GRM7: variants seen among roughly 807,000 people sequenced by gnomAD.
GRM7 encodes the protein glutamate metabotropic receptor 7.
Under a neutral mutation model 84.5 loss-of-function variants are expected in GRM7, and 35 were observed. The observed-to-expected ratio is 0.41, with a 90% CI of 0.32 to 0.55. GRM7 has a LOEUF of 0.55. Among genes scored for constraint, GRM7 ranks in the 20% least tolerant of loss-of-function variants. The pLI is 0.19. For missense variants in GRM7, 1,003 were observed against 1,194.6 expected (o/e 0.84, Z 2.36); for synonymous variants, 487 against 455.1 (o/e 1.07, Z -0.89).
At chr3:7,391,740 G>A (rs2125143150) in intron 4 of GRM7, among the ~76,000 whole-genome samples, 1 of 147,850 alleles carries the variant, frequency 6.8e-6, no homozygotes, top group Middle Eastern at 3.5e-3. Context: ...AATGAGCTAA[G>A]AAGGGAATGA....
chr3:7,106,860 C>T (rs1692668373), intron 1 of GRM7, among the ~76,000 whole-genome samples: 1 of 151,956 alleles, frequency 6.6e-6, no homozygotes, highest in South Asian at 2.1e-4. Flanking sequence ...GAAGCCCTGC[C>T]CAGTTTTGCC....
chr3:7,181,206 A>G (rs550365139), intron 2 of GRM7, among the ~76,000 whole-genome samples: 7 of 152,266 alleles, frequency 4.6e-5, no homozygotes, highest in South Asian at 2.1e-4. Flanking sequence ...TCCATACCCA[A>G]TGGCCTTCAT....
intron 1 of GRM7, among the ~76,000 whole-genome samples, chr3:7,073,305 T>C (rs935349747): frequency 3.9e-5 from 6 of 152,094 alleles, no homozygotes; most frequent in Admixed American, 2.0e-4. Context: ...CCACACCTGT[T>C]GCCTTGTTAA....
At chr3:7,295,443 CTT>C (rs1167470599) in intron 2 of GRM7, among the ~76,000 whole-genome samples, 1 of 152,068 alleles carries the variant, frequency 6.6e-6, no homozygotes, top group African/African-American at 2.4e-5. Context: ...AATTTTCTTA[CTT>C]TTCAGAATTG....
chr3:7,673,330 T>G (rs1438906921), intron 8 of GRM7, among the ~76,000 whole-genome samples: 2 of 152,236 alleles, frequency 1.3e-5, no homozygotes, highest in African/African-American at 4.8e-5. Flanking sequence ...ACTTTCTGAT[T>G]CACCAGAATT....
At chr3:7,450,751 A>G (rs150186765) in intron 5 of GRM7, among the ~76,000 whole-genome samples, 249 of 152,022 alleles carry the variant, frequency 1.6e-3, no homozygotes, top group African/African-American at 5.6e-3. Context: ...ACACTGAAAA[A>G]CCCTAGATCC....
intron 2 of GRM7, among the ~76,000 whole-genome samples, chr3:7,240,983 T>C (rs912493012): frequency 1.3e-5 from 2 of 152,206 alleles, no homozygotes; most frequent in African/African-American, 4.8e-5. Context: ...ATGTAGCCTA[T>C]GTATGTAATA....
intron 2 of GRM7, among the ~76,000 whole-genome samples, chr3:7,292,611 G>T (rs952532731): frequency 2.6e-5 from 4 of 151,952 alleles, no homozygotes; most frequent in African/African-American, 9.7e-5. Flanking sequence ...CAACTATGAT[G>T]AATATTATCT....
In GRM7 at chr3:7,552,267, C is replaced by T. The variant is rs141155517; in HGVS notation, c.1516-26155C>T. ...GTTCTCACAGTCTTGGGCAGCTCCA[C>T]CCCTGTAGCTTTGTAGGGTACAGCC... On this transcript the variant is annotated intron_variant, in intron 7 of 9. Coordinates refer to ENST00000357716, the MANE Select transcript of GRM7 (RefSeq NM_000844.4). Among the ~76,000 whole-genome samples, 226 of 152,346 alleles carry T rather than the reference C, an allele frequency of 1.5e-3. 1 individual carries two copies. The highest frequency in any genetic ancestry group is 5.1e-3 in the African/African-American group (214 of 41,580).
At chr3:6,936,282 A>C (rs1043649956) in intron 1 of GRM7, among the ~76,000 whole-genome samples, 2 of 152,184 alleles carry the variant, frequency 1.3e-5, no homozygotes, top group African/African-American at 4.8e-5. Context: ...TCTGTAATAG[A>C]GTGTCTTTGG....
At position 7,486,602 on chromosome 3, in the gene GRM7, G is replaced by T. The variant is rs1423116284; in HGVS notation, c.1515+24880G>T. Among the ~76,000 whole-genome samples the T allele has an allele frequency of 6.6e-6, 1 of 152,172 alleles. No homozygotes were observed. The highest frequency in any genetic ancestry group is 1.5e-5 in the Non-Finnish European group (1 of 68,038). On this transcript the variant is annotated intron_variant, in intron 7 of 9. Transcript: ENST00000357716. This position sits in a 1 kb window ranked among gnomAD's most constrained non-coding sequence, Gnocchi z 5.5. ...AAGTTTGTTCTCTCTGCACACACCT[G>T]CTTCTTTCACTTCTCTGCCATGTTG...
intron 4 of GRM7, among the ~76,000 whole-genome samples, chr3:7,368,665 T>G (rs1201776303): frequency 6.6e-6 from 1 of 152,098 alleles, no homozygotes. Flanking sequence ...TCAATTTACT[T>G]AAAATTATCT....
intron 1 of GRM7, among the ~76,000 whole-genome samples, chr3:6,906,701 A>G (rs1423388168): frequency 6.6e-6 from 1 of 152,140 alleles, no homozygotes; most frequent in Non-Finnish European, 1.5e-5. Flanking sequence ...AAGCATTTTC[A>G]AGGAGTATAA....
chr3:6,928,117 TGAGGTAG>T lies in GRM7; in HGVS notation c.519+66212_519+66218del, dbSNP rs1478597431. 1.3e-5 allele frequency among the ~76,000 whole-genome samples: 2 copies of T among 152,006 alleles called. No homozygotes were observed. The highest frequency in any genetic ancestry group is 4.8e-5 in the African/African-American group (2 of 41,396). The stretch of plus-strand genomic sequence containing the variant: ...CTCCTTTTTTTTTTTTCTACACTGC[TGAGGTAG>T]GTATTTTAACACATCCCTCATTGAT... On this transcript the variant is annotated intron_variant, in intron 1 of 9. Transcript: ENST00000357716. This position sits in a 1 kb window ranked among gnomAD's most constrained non-coding sequence, Gnocchi z 4.5.
At chr3:7,458,742 T>A (rs904478230) in intron 6 of GRM7, among the ~76,000 whole-genome samples, 1 of 152,138 alleles carries the variant, frequency 6.6e-6, no homozygotes, top group African/African-American at 2.4e-5. Context: ...TCTTCCTTTC[T>A]CCTCTCAAAG....
chr3:7,517,102 C>T (rs1700419065), intron 7 of GRM7, among the ~76,000 whole-genome samples: 2 of 152,022 alleles, frequency 1.3e-5, no homozygotes, highest in South Asian at 2.1e-4. Context: ...ATCATGTTCA[C>T]GAGGTAATAA....
At chr3:7,478,579 A>G (rs1331804476) in intron 7 of GRM7, among the ~76,000 whole-genome samples, 1 of 152,184 alleles carries the variant, frequency 6.6e-6, no homozygotes, top group Non-Finnish European at 1.5e-5. Flanking sequence ...ATCAATGAGT[A>G]TGGTCAACAG....
chr3:7,450,511 T>C (rs1393522946), intron 5 of GRM7, among the ~76,000 whole-genome samples: 1 of 152,170 alleles, frequency 6.6e-6, no homozygotes, highest in African/African-American at 2.4e-5. Flanking sequence ...CTTTTTAGAC[T>C]GTTAGACATG....
chr3:7,314,456 T>C (rs1700511800), intron 4 of GRM7, among the ~76,000 whole-genome samples: 2 of 152,206 alleles, frequency 1.3e-5, no homozygotes, highest in Admixed American at 1.3e-4. Context: ...CTGTCTGCTG[T>C]TTGTCAGACA....
Sources: allele counts gnomAD v4.1 joint callset (sites outside exome capture counted in the v4.1 genomes callset), GRCh38; gene constraint gnomAD v4.1.1; non-coding constraint Gnocchi (gnomAD v3.1); transcripts MANE v1.5; gene names NCBI Gene and HGNC (gene_info 2026-07-23, HGNC 2026-07-21).